Variants in ZBED1 observed in about 807,000 individuals in gnomAD.
The protein encoded by ZBED1 is E3 SUMO-protein ligase ZBED1.
Under a neutral mutation model 49.7 loss-of-function variants are expected in ZBED1, and 19 were observed. The observed-to-expected ratio is 0.38, with a 90% CI of 0.27 to 0.56. ZBED1 has a LOEUF of 0.56. ZBED1 is among the 20% of genes least tolerant of loss of function. The pLI is 0.70. For synonymous variants in ZBED1, 439 were observed against 440.3 expected, an observed-to-expected ratio of 1.00 and a Z score of 0.04; for missense variants, 806 against 972.6, an observed-to-expected ratio of 0.83 and a Z score of 2.28.
intron 1 of ZBED1, among the ~76,000 whole-genome samples, chrX:2,494,044 C>T (rs893410783): frequency 1.3e-5 from 2 of 151,946 alleles, no homozygotes; most frequent in Non-Finnish European, 2.9e-5. Flanking sequence ...GAAGAGGTCC[C>T]GATACCTGGA....
chrX:2,494,490 C>T (rs1430840418), intron 1 of ZBED1, among the ~76,000 whole-genome samples: 2 of 151,462 alleles, frequency 1.3e-5, no homozygotes, highest in African/African-American at 2.4e-5. Context: ...GGTGCCAGGA[C>T]CTGTAGTAAA....
In ZBED1 at chrX:2,487,373, G is replaced by C. The variant is rs1433731115; in HGVS notation, c.*1262C>G. ...CCGGACCCGTGAGCCACCCACTTTTGTTTTGTTTTGAGACGGAGTCTCACT... is the reference window on the plus strand; with the variant it reads ...CCGGACCCGTGAGCCACCCACTTTTCTTTTGTTTTGAGACGGAGTCTCACT... On this transcript the variant is annotated 3_prime_UTR_variant, in exon 2 of 2. Transcript: ENST00000652001. The C allele has an allele frequency of 9.4e-6, 1 of 106,184 alleles. No individual in the cohort carries two copies. The highest frequency in any genetic ancestry group is 9.2e-5 in the Admixed American group (1 of 10,828). 6.6% of individuals were successfully genotyped at this position (106,184 alleles called of 1,614,324 possible). A position where few individuals can be genotyped will look rare whatever the true frequency, so the allele number is the denominator to read the frequency against.
At position 2,488,957 on chromosome X, in the gene ZBED1, A is replaced by T; in HGVS notation, c.1763T>A (p.Leu588His). 1 of 1,596,950 alleles carries T rather than the reference A, an allele frequency of 6.3e-7. No homozygotes were observed. The highest frequency in any genetic ancestry group is 8.5e-7 in the Non-Finnish European group (1 of 1,170,190). ...QKVLGLNEDP[L>H]KWWSDRLALF... The stretch of plus-strand genomic sequence containing the variant: ...GGCCAGGCGGTCTGACCACCACTTG[A>T]GGGGGTCTTCGTTGAGGCCAAGCAC... Residue 588 changes from leucine (L) to histidine (H), a missense_variant, in exon 2 of 2, where the codon CTC becomes CAC. Physicochemically the swap from Leu to His is moderately conservative, Grantham distance 99 (BLOSUM62 -3). Coordinates refer to ENST00000652001, the MANE Select transcript of ZBED1 (RefSeq NM_001171136.2).
At chrX:2,495,400 A>G (rs1184231739) in intron 1 of ZBED1, among the ~76,000 whole-genome samples, 6 of 151,994 alleles carry the variant, frequency 3.9e-5, no homozygotes, top group South Asian at 2.1e-4. Flanking sequence ...AAAGGTTTCT[A>G]TTCTATTATG....
chrX:2,489,325 G>T lies in ZBED1; in HGVS notation c.1395C>A (p.Ile465=). Residue 465 remains isoleucine, a synonymous_variant, in exon 2 of 2, where the codon ATC becomes ATA. Coordinates refer to ENST00000652001, the MANE Select transcript of ZBED1 (RefSeq NM_001171136.2). Reference sequence around the variant, plus strand: ...AGGTGGCCACGTTGAGAAACATGTCGATCTCGGGCGTCTCCTGGTAGGTCT... The same window carrying T: ...AGGTGGCCACGTTGAGAAACATGTCTATCTCGGGCGTCTCCTGGTAGGTCT... The part of the protein sequence containing the change: ...LSKTYQETPE[I]DMFLNVATFL... The T allele has an allele frequency of 6.2e-7, 1 of 1,613,938 alleles. No homozygotes were observed. The highest frequency in any genetic ancestry group is 8.5e-7 in the Non-Finnish European group (1 of 1,179,866).
At position 2,489,489 on chromosome X, in the gene ZBED1, G is replaced by A. The variant is rs748771154; in HGVS notation, c.1231C>T (p.Leu411=). The A allele has an allele frequency of 6.2e-7, 1 of 1,613,554 alleles. No homozygotes were observed. Among genetic ancestry groups the A allele is most frequent in the African/African-American group, 1.3e-5 (1 of 74,916 alleles). ...LQPFKQVAEM[L]SASRYPTISM... Reference sequence around the variant, plus strand: ...ATGGTGGGGTACCTGGAGGCCGACAGCATCTCGGCCACCTGCTTGAAGGGC... The same window carrying A: ...ATGGTGGGGTACCTGGAGGCCGACAACATCTCGGCCACCTGCTTGAAGGGC... Residue 411 remains leucine, a synonymous_variant, in exon 2 of 2, where the codon CTG becomes TTG. Coordinates refer to ENST00000652001, the MANE Select transcript of ZBED1 (RefSeq NM_001171136.2).
chrX:2,500,126 A>G (rs1302511646), intron 1 of ZBED1, among the ~76,000 whole-genome samples: 1 of 152,236 alleles, frequency 6.6e-6, no homozygotes, highest in Non-Finnish European at 1.5e-5. Context: ...GAGTTCAGAC[A>G]GTGAACGAGT....
In ZBED1 at chrX:2,489,780, G is replaced by C; in HGVS notation, c.940C>G (p.Arg314Gly). ...QLPKLGALLSRCRKLVEYFQQ... is the reference protein window; with the variant it reads ...QLPKLGALLSGCRKLVEYFQQ... ...AAGTACTCCACCAGTTTGCGGCAGC[G>C]CGACAGCAGCGCCCCCAGCTTCGGG... Residue 314 changes from arginine to glycine, a missense_variant, in exon 2 of 2, where the codon CGC becomes GGC. By Grantham distance (125) the Arg-to-Gly change is moderately radical (BLOSUM62 -2). Transcript: ENST00000652001. 6.2e-7 allele frequency: 1 copy of C among 1,613,372 alleles called. No individual in the cohort carries two copies. The highest frequency in any genetic ancestry group is 8.5e-7 in the Non-Finnish European group (1 of 1,179,864).
rs749021967 is a variant in ZBED1 at position 2,489,015 on chromosome X, C to T, written c.1705G>A (p.Val569Met). The T allele has an allele frequency of 5.0e-6, 8 of 1,611,924 alleles. No individual in the cohort carries two copies. The highest frequency in any genetic ancestry group is 3.3e-5 in the Admixed American group (2 of 59,870). ...GACTTGAAGTTGCTCAGCTCCTCCA[C>T]CACCTGGGCATGCCACTCTTCCTGG... is the stretch of plus-strand genomic sequence containing the variant. ...EDQEEWHAQV[V>M]EELSNFKSQK... The change falls in exon 2 of 2, where the codon GTG (valine) becomes ATG (methionine). Residue 569 changes from valine to methionine, a missense_variant. Val to Met is a conservative substitution (Grantham distance 21, BLOSUM62 1). This residue lies in a region of ZBED1 where 749 missense variants were observed against 861.3 expected (regional missense o/e 0.87). Transcript: ENST00000652001.
chrX:2,489,906 C>T lies in ZBED1; in HGVS notation c.814G>A (p.Gly272Ser). 6.2e-7 allele frequency: 1 copy of T among 1,613,878 alleles called. No individual in the cohort carries two copies. The highest frequency in any genetic ancestry group is 8.5e-7 in the Non-Finnish European group (1 of 1,179,882). ...AKVFGATTNY[G>S]KDIVKACSLL... is the part of the protein sequence containing the mutation. ...GAGCACGCCTTCACGATGTCCTTGC[C>T]ATAGTTGGTGGTGGCCCCGAAGACC... Residue 272 changes from glycine (G) to serine (S), a missense_variant, in exon 2 of 2, where the codon GGC becomes AGC. Around this residue, in one of 2 missense-constraint regions of ZBED1, gnomAD observed 749 missense variants for 861.3 expected, o/e 0.87. Transcript: ENST00000652001.
In ZBED1 at chrX:2,489,100, G is replaced by A. The variant is rs771891237; in HGVS notation, c.1620C>T (p.Pro540=). The A allele has an allele frequency of 4.5e-5, 73 of 1,613,502 alleles. 1 individual carries two copies. Among genetic ancestry groups the A allele is most frequent in the South Asian group, 7.7e-5 (7 of 91,062 alleles). The change falls in exon 2 of 2, where the codon CCC becomes CCT. Residue 540 remains proline, a synonymous_variant. Coordinates refer to ENST00000652001, the MANE Select transcript of ZBED1 (RefSeq NM_001171136.2). The part of the protein sequence containing the change: ...KKLMRTSTPP[P]ASVINNMLAE... The stretch of plus-strand genomic sequence containing the variant: ...CCAGCATGTTGTTGATGACGCTGGC[G>A]GGCGGCGGCGTGGATGTCCGCATGA...
chrX:2,489,984 T>C lies in ZBED1; in HGVS notation c.736A>G (p.Thr246Ala). 4 of 1,613,850 alleles carry C rather than the reference T, an allele frequency of 2.5e-6. No individual in the cohort carries two copies. The highest frequency in any genetic ancestry group is 2.5e-6 in the Non-Finnish European group (3 of 1,179,866). ...ACCTCATAGAGCACTCGCGTGATGGTCTCCGCCGTGTTCTCTTCGGGCACC... is the reference window on the plus strand; with the variant it reads ...ACCTCATAGAGCACTCGCGTGATGGCCTCCGCCGTGTTCTCTTCGGGCACC... ...FEVPEENTAE[T>A]ITRVLYEVFI... The change falls in exon 2 of 2, where the codon ACC becomes GCC. Residue 246 changes from threonine (T) to alanine (A), a missense_variant. Thr to Ala is a moderately conservative substitution (Grantham distance 58). Around this residue, in one of 2 missense-constraint regions of ZBED1, gnomAD observed 749 missense variants for 861.3 expected, o/e 0.87. Transcript: ENST00000652001.
Position 2,488,616 on chromosome X carries a change from A to G in ZBED1, c.*19T>C, listed in dbSNP as rs2045014204. On this transcript the variant is annotated 3_prime_UTR_variant, in exon 2 of 2. Coordinates refer to ENST00000652001, the MANE Select transcript of ZBED1 (RefSeq NM_001171136.2). ...ATGGGCTGCTGCGGGGATGACTTGT[A>G]AGACAACACGCTTCCTCGCTACAGG... is the stretch of plus-strand genomic sequence containing the variant. 1 of 1,572,332 alleles carries G rather than the reference A, an allele frequency of 6.4e-7. No homozygotes were observed. The highest frequency in any genetic ancestry group is 2.2e-5 in the East Asian group (1 of 44,566).
chrX:2,499,633 G>A lies in ZBED1; in HGVS notation c.-54+1184C>T, dbSNP rs766704044. ...AAAAAATTTAAAACATTAGCCAGGCGTGGTGGCTCACGCCTGTAAACCCAG... is the reference window on the plus strand; with the variant it reads ...AAAAAATTTAAAACATTAGCCAGGCATGGTGGCTCACGCCTGTAAACCCAG... On this transcript the variant is annotated intron_variant, in intron 1 of 1. Coordinates refer to ENST00000652001, the MANE Select transcript of ZBED1 (RefSeq NM_001171136.2). 9.2e-5 allele frequency among the ~76,000 whole-genome samples: 14 copies of A among 152,120 alleles called. No individual in the cohort carries two copies. In the South Asian group the frequency reaches 2.5e-3, roughly 27 times the overall value.
chrX:2,499,448 A>AT (rs1409439176), intron 1 of ZBED1, among the ~76,000 whole-genome samples: 1 of 152,172 alleles, frequency 6.6e-6, no homozygotes, highest in Admixed American at 6.5e-5. Context: ...CAGTTCACAA[A>AT]TAATTGTTTA....
chrX:2,496,230 G>A (rs1330711433), intron 1 of ZBED1, among the ~76,000 whole-genome samples: 2 of 151,758 alleles, frequency 1.3e-5, no homozygotes, highest in Non-Finnish European at 1.5e-5. Context: ...ACGGAGTCTC[G>A]CCCTGTTGCC....
chrX:2,489,024 C>A lies in ZBED1; in HGVS notation c.1696G>T (p.Ala566Ser). ...GGVEDQEEWHAQVVEELSNFK... is the reference protein window; with the variant it reads ...GGVEDQEEWHSQVVEELSNFK... ...TTGCTCAGCTCCTCCACCACCTGGG[C>A]ATGCCACTCTTCCTGGTCCTCCACG... The change falls in exon 2 of 2, where the codon GCC becomes TCC. Residue 566 changes from alanine (A) to serine (S), a missense_variant. Ala to Ser is a moderately conservative substitution (Grantham distance 99). This residue lies in a region of ZBED1 where 749 missense variants were observed against 861.3 expected (regional missense o/e 0.87). Coordinates refer to ENST00000652001, the MANE Select transcript of ZBED1 (RefSeq NM_001171136.2). 1 of 1,612,856 alleles carries A rather than the reference C, an allele frequency of 6.2e-7. No individual in the cohort carries two copies.
Position 2,488,489 on chromosome X carries a change from A to G in ZBED1, c.*146T>C, listed in dbSNP as rs4892932. The G allele has an allele frequency of 0.89, 1,015,930 of 1,137,154 alleles. 454,734 individuals are homozygous for G. Among genetic ancestry groups the G allele is most frequent in the East Asian group, 1 (37,306 of 37,318 alleles). 70.4% of individuals were successfully genotyped at this position (1,137,154 alleles called of 1,614,324 possible). A position where few individuals can be genotyped will look rare whatever the true frequency, so the allele number is the denominator to read the frequency against. On this transcript the variant is annotated 3_prime_UTR_variant, in exon 2 of 2. Coordinates refer to ENST00000652001, the MANE Select transcript of ZBED1 (RefSeq NM_001171136.2). ...CGCCCCCGACCCTCTCTCACTTCTCAAATCTCTTTCCTTTTTCCACCTTCT... is the reference window on the plus strand; with the variant it reads ...CGCCCCCGACCCTCTCTCACTTCTCGAATCTCTTTCCTTTTTCCACCTTCT...
In ZBED1 at chrX:2,489,907, A is replaced by G. The variant is rs2045080551; in HGVS notation, c.813T>C (p.Tyr271=). The change falls in exon 2 of 2, where the codon TAT becomes TAC. Residue 271 remains tyrosine, a synonymous_variant. Transcript: ENST00000652001. ...AGCACGCCTTCACGATGTCCTTGCC[A>G]TAGTTGGTGGTGGCCCCGAAGACCT... The part of the protein sequence containing the change: ...SAKVFGATTN[Y]GKDIVKACSL... 6.2e-7 allele frequency: 1 copy of G among 1,613,720 alleles called. No homozygotes were observed. The highest frequency in any genetic ancestry group is 1.7e-5 in the Admixed American group (1 of 59,998).
Sources: allele counts gnomAD v4.1 joint callset (sites outside exome capture counted in the v4.1 genomes callset), GRCh38; gene constraint gnomAD v4.1.1; regional missense constraint gnomAD v4.1.1; transcripts MANE v1.5; gene names NCBI Gene and HGNC (gene_info 2026-07-23, HGNC 2026-07-21).